Variants in LRRC58 observed in about 807,000 individuals in gnomAD.
The protein encoded by LRRC58 is leucine rich repeat containing 58.
LRRC58 carries 18 observed loss-of-function variants against 30.6 expected under a neutral mutation model. The ratio of observed to expected loss-of-function variants is 0.59; its 90% CI spans 0.41 to 0.87. The LOEUF (loss-of-function observed/expected upper bound fraction) is 0.87, where lower values mean the gene tolerates loss of function less well. Among genes scored for constraint, LRRC58 ranks in the 40% least tolerant of loss-of-function variants. The probability of loss-of-function intolerance (pLI) is 0.00; values close to 1 mark genes in which losing one functional copy is unlikely to be tolerated. For missense variants in LRRC58, 420 were observed against 468.4 expected (o/e 0.90, Z 0.95); for synonymous variants, 221 against 206.0 (o/e 1.07, Z -0.62).
rs1031393478 is a variant in LRRC58 at position 120,331,136 on chromosome 3, C to G, written c.*64G>C. 7.0e-5 allele frequency: 96 copies of G among 1,373,560 alleles called. No individual in the cohort carries two copies. The African/African-American group carries it at 1.0e-3, about 15-fold the overall frequency. The allele number at this position is 1,373,560 out of a possible 1,614,324, so 85.1% of individuals were successfully genotyped here. On this transcript the variant is annotated 3_prime_UTR_variant, in exon 4 of 4. Coordinates refer to ENST00000295628, the MANE Select transcript of LRRC58 (RefSeq NM_001099678.2). ...TAAGATTTCTAGTGAACTTCAAGCT[C>G]TATTTTCTTGTCTAACCATTTTGCT...
At chr3:120,338,184 T>A (rs1935859909) in intron 1 of LRRC58, among the ~76,000 whole-genome samples, 1 of 152,198 alleles carries the variant, frequency 6.6e-6, no homozygotes, top group Admixed American at 6.5e-5. Flanking sequence ...GAAATCTATG[T>A]CCTCTGATTA....
chr3:120,347,379 C>CTTTTTT (rs796116731), intron 1 of LRRC58, among the ~76,000 whole-genome samples: 1,332 of 54,800 alleles, frequency 0.024, 273 homozygotes, highest in African/African-American at 0.066. Flanking sequence ...GGCCAATATT[C>CTTTTTT]TTTTTTTTTT....
Position 120,331,428 on chromosome 3 carries a change from G to T in LRRC58, c.908-20C>A, listed in dbSNP as rs779268480. The T allele has an allele frequency of 1.9e-6, 3 of 1,572,530 alleles. No homozygotes were observed. The highest frequency in any genetic ancestry group is 2.7e-5 in the African/African-American group (2 of 74,110). On this transcript the variant is annotated intron_variant, in intron 3 of 3. Transcript: ENST00000295628. ...AGACTCCTAAAGAGAAGAAGGAATA[G>T]AAAGTAATCATTACAAAGCAAGGAA...
Position 120,348,890 on chromosome 3 carries a change from G to C in LRRC58, c.354C>G (p.Leu118=). ...ALPKGLAQSP[L]CRSLQVLNLS... is the part of the protein sequence containing the mutation. ...GGTTGAGCACCTGGAGGCTGCGGCA[G>C]AGCGGCGACTGGGCCAGGCCCTTGG... is the stretch of plus-strand genomic sequence containing the variant. The change falls in exon 1 of 4, where the codon CTC becomes CTG. Residue 118 remains leucine, a synonymous_variant. Coordinates refer to ENST00000295628, the MANE Select transcript of LRRC58 (RefSeq NM_001099678.2). 1.3e-6 allele frequency: 2 copies of C among 1,584,788 alleles called. No homozygotes were observed. The highest frequency in any genetic ancestry group is 1.7e-6 in the Non-Finnish European group (2 of 1,166,830).
intron 1 of LRRC58, among the ~76,000 whole-genome samples, chr3:120,343,663 A>C (rs969421655): frequency 2.0e-5 from 3 of 152,246 alleles, no homozygotes; most frequent in African/African-American, 7.2e-5. Context: ...CTGAAAAAAC[A>C]GGCTAGCACA....
chr3:120,348,709 G>A (rs1206932920), intron 1 of LRRC58, 35 bp downstream of exon 1: 4 of 1,503,974 alleles, frequency 2.7e-6, no homozygotes, highest in African/African-American at 2.9e-5. Flanking sequence ...GACACCGCCC[G>A]AGGCCTCCCC....
At chr3:120,339,856 T>A (rs1005887286) in intron 1 of LRRC58, among the ~76,000 whole-genome samples, 2 of 152,134 alleles carry the variant, frequency 1.3e-5, no homozygotes, top group African/African-American at 2.4e-5. Context: ...AACAGTTTTT[T>A]AATTTTTTTT....
At chr3:120,348,497 G>A (rs1442216207) in intron 1 of LRRC58, among the ~76,000 whole-genome samples, 1 of 152,150 alleles carries the variant, frequency 6.6e-6, no homozygotes, top group Admixed American at 6.5e-5. Context: ...GATTCAATAA[G>A]GAAGACAGAA....
chr3:120,349,053 C>A lies in LRRC58; in HGVS notation c.191G>T (p.Gly64Val). ...CAGCTGGAGGTGCGGGAAGCCGCTG[C>A]CCAGCGCCCGTGGCAGCGACACCAG... ...NRLVSLPRAL[G>V]SGFPHLQLLD... The change falls in exon 1 of 4, where the codon GGC becomes GTC. Residue 64 changes from glycine to valine, a missense_variant. Around this residue, in one of 2 missense-constraint regions of LRRC58, gnomAD observed 266 missense variants for 251.7 expected, o/e 1.06. Coordinates refer to ENST00000295628, the MANE Select transcript of LRRC58 (RefSeq NM_001099678.2). 6.6e-7 allele frequency: 1 copy of A among 1,518,326 alleles called. No individual in the cohort carries two copies. Among genetic ancestry groups the A allele is most frequent in the South Asian group, 1.2e-5 (1 of 81,758 alleles). 94.1% of individuals were successfully genotyped at this position (1,518,326 alleles called of 1,614,324 possible).
rs1323584555 is a variant in LRRC58, at chr3:120,327,252, T to TTTTTTTC, written c.*3947_*3948insGAAAAAA. The TTTTTTTC allele has an allele frequency of 2.2e-5, 3 of 136,928 alleles. No homozygotes were observed. The highest frequency in any genetic ancestry group is 4.7e-5 in the Non-Finnish European group (3 of 64,142). The allele number at this position is 136,928 out of a possible 1,614,324, so 8.5% of individuals were successfully genotyped here. A position where few individuals can be genotyped will look rare whatever the true frequency, so the allele number is the denominator to read the frequency against. On this transcript the variant is annotated 3_prime_UTR_variant, in exon 4 of 4. Coordinates refer to ENST00000295628, the MANE Select transcript of LRRC58 (RefSeq NM_001099678.2). ...CCTGTGGCTTCTAAAGATTTCTTTT[T>TTTTTTTC]TTTTTTTTTTTTTTTTTGAGACGGA... is the stretch of plus-strand genomic sequence containing the variant.
chr3:120,340,638 C>T (rs1265152799), intron 1 of LRRC58, among the ~76,000 whole-genome samples: 1 of 152,148 alleles, frequency 6.6e-6, no homozygotes, highest in African/African-American at 2.4e-5. Context: ...CTTTGGGAGG[C>T]TGAGGCAGGT....
Position 120,325,208 on chromosome 3 carries a change from G to A in LRRC58, c.*5992C>T, listed in dbSNP as rs1488051974. On this transcript the variant is annotated 3_prime_UTR_variant, in exon 4 of 4. Coordinates refer to ENST00000295628, the MANE Select transcript of LRRC58 (RefSeq NM_001099678.2). The stretch of plus-strand genomic sequence containing the variant: ...AACAATGTTAACAATTTAAGTTAGT[G>A]AAAGGATTCTCTTAAACATAAGCGG... The A allele has an allele frequency of 2.6e-5, 4 of 152,202 alleles. No homozygotes were observed. Among genetic ancestry groups the A allele is most frequent in the African/African-American group, 9.7e-5 (4 of 41,450 alleles). 9.4% of individuals were successfully genotyped at this position (152,202 alleles called of 1,614,324 possible). A position where few individuals can be genotyped will look rare whatever the true frequency, so the allele number is the denominator to read the frequency against.
At chr3:120,336,494 A>G (rs567531776) in intron 1 of LRRC58, among the ~76,000 whole-genome samples, 51 of 152,322 alleles carry the variant, frequency 3.3e-4, no homozygotes, top group Middle Eastern at 3.4e-3. Context: ...AAGAACCCTG[A>G]ATTCTATGCT....
At position 120,325,408 on chromosome 3, in the gene LRRC58, T is replaced by G. The variant is rs1327821595; in HGVS notation, c.*5792A>C. The G allele has an allele frequency of 6.6e-6, 1 of 152,172 alleles. No individual in the cohort carries two copies. Among genetic ancestry groups the G allele is most frequent in the East Asian group, 1.9e-4 (1 of 5,198 alleles). The allele number at this position is 152,172 out of a possible 1,614,324, so 9.4% of individuals were successfully genotyped here. Reference sequence around the variant, plus strand: ...TGCAGATGTTCTTTCCACCATAGGTTTGTGGTATGACAGTATATAAATAAC... The same window carrying G: ...TGCAGATGTTCTTTCCACCATAGGTGTGTGGTATGACAGTATATAAATAAC... On this transcript the variant is annotated 3_prime_UTR_variant, in exon 4 of 4. Transcript: ENST00000295628.
At position 120,330,792 on chromosome 3, in the gene LRRC58, C is replaced by T. The variant is rs1347442129; in HGVS notation, c.*408G>A. 2.7e-5 allele frequency: 7 copies of T among 263,342 alleles called. No individual in the cohort carries two copies. The East Asian group carries it at 5.7e-4, about 21-fold the overall frequency. 16.3% of individuals were successfully genotyped at this position (263,342 alleles called of 1,614,324 possible). A position where few individuals can be genotyped will look rare whatever the true frequency, so the allele number is the denominator to read the frequency against. ...TATGGTATATAGTATATATGGTATA[C>T]AGTGTTCTACCTAAACCCAAGGGCA... On this transcript the variant is annotated 3_prime_UTR_variant, in exon 4 of 4. Coordinates refer to ENST00000295628, the MANE Select transcript of LRRC58 (RefSeq NM_001099678.2).
At position 120,325,135 on chromosome 3, in the gene LRRC58, G is replaced by A. The variant is rs1468323517; in HGVS notation, c.*6065C>T. The A allele has an allele frequency of 1.3e-5, 2 of 152,156 alleles. No homozygotes were observed. The highest frequency in any genetic ancestry group is 1.5e-5 in the Non-Finnish European group (1 of 68,030). 9.4% of individuals were successfully genotyped at this position (152,156 alleles called of 1,614,324 possible). ...CAACTGCAGGCACACGTCTTTACAT[G>A]ATTGTTGTAAAGTGACTGTTTAGGT... On this transcript the variant is annotated 3_prime_UTR_variant, in exon 4 of 4. Coordinates refer to ENST00000295628, the MANE Select transcript of LRRC58 (RefSeq NM_001099678.2).
intron 1 of LRRC58, among the ~76,000 whole-genome samples, chr3:120,347,429 GGCCGGACTGCGGA>G (rs1935985871): frequency 9.3e-6 from 1 of 108,022 alleles, no homozygotes; most frequent in Non-Finnish European, 1.8e-5. Flanking sequence ...CTGTCGCCCA[GGCCGGACTGCGGA>G]CTGCAGTGGC....
Position 120,328,020 on chromosome 3 carries a change from T to C in LRRC58, c.*3180A>G, listed in dbSNP as rs898992523. 2.0e-5 allele frequency: 3 copies of C among 152,198 alleles called. No homozygotes were observed. The highest frequency in any genetic ancestry group is 2.1e-4 in the South Asian group (1 of 4,832). The allele number at this position is 152,198 out of a possible 1,614,324, so 9.4% of individuals were successfully genotyped here. A position where few individuals can be genotyped will look rare whatever the true frequency, so the allele number is the denominator to read the frequency against. ...CTTCGGCCTCCCAAAGTGCTAAGAT[T>C]ATAGGTGTGTGCCACCGTGCCAAGT... On this transcript the variant is annotated 3_prime_UTR_variant, in exon 4 of 4. Coordinates refer to ENST00000295628, the MANE Select transcript of LRRC58 (RefSeq NM_001099678.2).
chr3:120,335,788 G>T (rs1374917324), intron 2 of LRRC58, 37 bp downstream of exon 2: 1 of 1,543,062 alleles, frequency 6.5e-7, no homozygotes, highest in Admixed American at 1.8e-5. Flanking sequence ...ACTAAGCATA[G>T]ATGTCTGCGT....
Sources: allele counts gnomAD v4.1 joint callset (sites outside exome capture counted in the v4.1 genomes callset), GRCh38; gene constraint gnomAD v4.1.1; regional missense constraint gnomAD v4.1.1; transcripts MANE v1.5; gene names NCBI Gene and HGNC (gene_info 2026-07-23, HGNC 2026-07-21).